Variants in CCDC87 observed in about 807,000 individuals in gnomAD.
CCDC87 encodes coiled-coil domain containing 87.
For synonymous variants in CCDC87, 434 were observed against 440.2 expected (o/e 0.99, Z 0.18); for missense variants, 1,072 against 1,041.7 (o/e 1.03, Z -0.40).
In CCDC87 at chr11:66,590,864, C is replaced by T; in HGVS notation, c.2152G>A (p.Val718Met). The change falls in exon 1 of 1, where the codon GTG becomes ATG. Residue 718 changes from valine to methionine, a missense_variant. Coordinates refer to ENST00000333861, the MANE Select transcript of CCDC87 (RefSeq NM_018219.3). ...TTCAGGGCCCGCTCCCAGGCATTCA[C>T]CAATGAAGGCAGCTGCCTCAGGCGG... Reference protein sequence around the residue: ...KARLRQLPSLVNAWERALKPI... With the variant: ...KARLRQLPSLMNAWERALKPI... The T allele has an allele frequency of 1.9e-6, 3 of 1,613,988 alleles. No individual in the cohort carries two copies. The highest frequency in any genetic ancestry group is 1.6e-4 in the Middle Eastern group (1 of 6,062).
At position 66,592,394 on chromosome 11, in the gene CCDC87, G is replaced by A. The variant is rs1020248305; in HGVS notation, c.622C>T (p.Pro208Ser). 1.9e-6 allele frequency: 3 copies of A among 1,614,120 alleles called. No individual in the cohort carries two copies. Among genetic ancestry groups the A allele is most frequent in the South Asian group, 2.2e-5 (2 of 91,084 alleles). The stretch of plus-strand genomic sequence containing the variant: ...CCAGTGCTGTGAGGCCAGGGGATAG[G>A]GCACAGCTTGAACGTCCCAGCGGGG... ...VCPAGTFKLC[P>S]IPWPHSTGFA... The change falls in exon 1 of 1, where the codon CCT (proline) becomes TCT (serine). Residue 208 changes from proline (P) to serine (S), a missense_variant. Transcript: ENST00000333861.
At position 66,591,100 on chromosome 11, in the gene CCDC87, G is replaced by C. The variant is rs1401446789; in HGVS notation, c.1916C>G (p.Pro639Arg). 2 of 1,614,128 alleles carry C rather than the reference G, an allele frequency of 1.2e-6. No homozygotes were observed. The highest frequency in any genetic ancestry group is 1.7e-6 in the Non-Finnish European group (2 of 1,180,028). ...GTCTGGTTCTTCATCTTCTAGCAAT[G>C]GGGGAGGGTGCTGAATCTCTAGGGA... The part of the protein sequence containing the change: ...RESLEIQHPP[P>R]LLEDEEPDFV... Residue 639 changes from proline (P) to arginine (R), a missense_variant, in exon 1 of 1, where the codon CCA becomes CGA. Coordinates refer to ENST00000333861, the MANE Select transcript of CCDC87 (RefSeq NM_018219.3).
rs200157605 is a variant in CCDC87, at chr11:66,590,526, G to A, written c.2490C>T (p.Val830=). 20 of 1,614,052 alleles carry A rather than the reference G, an allele frequency of 1.2e-5. No individual in the cohort carries two copies. In the African/African-American group the frequency reaches 2.7e-4, roughly 22 times the overall value. ...ACTGGTGGGGATCCTTCAGGGCCGA[G>A]ACCAGGTGGCGAACCCGCCGCTGCT... ...LQQQRRVRHL[V]SALKDPHQST... The change falls in exon 1 of 1, where the codon GTC becomes GTT. Residue 830 remains valine (V), a synonymous_variant. Coordinates refer to ENST00000333861, the MANE Select transcript of CCDC87 (RefSeq NM_018219.3).
In CCDC87 at chr11:66,592,673, G is replaced by T. The variant is rs755035257; in HGVS notation, c.343C>A (p.Arg115=). ...CTCAGCAGCACGTAGGCCTCGAGCCGCTTCCGCAGCTTCTGGTTGTTTTTG... is the reference window on the plus strand; with the variant it reads ...CTCAGCAGCACGTAGGCCTCGAGCCTCTTCCGCAGCTTCTGGTTGTTTTTG... The part of the protein sequence containing the change: ...SHKNNQKLRK[R]LEAYVLLSSE... The change falls in exon 1 of 1, where the codon CGG becomes AGG. Residue 115 remains arginine, a synonymous_variant. Transcript: ENST00000333861. 2.5e-6 allele frequency: 4 copies of T among 1,614,062 alleles called. No individual in the cohort carries two copies. In the African/African-American group the frequency reaches 5.3e-5, roughly 21 times the overall value.
chr11:66,592,454 C>T lies in CCDC87; in HGVS notation c.562G>A (p.Ala188Thr), dbSNP rs1858387266. 1 of 1,613,788 alleles carries T rather than the reference C, an allele frequency of 6.2e-7. No individual in the cohort carries two copies. Among genetic ancestry groups the T allele is most frequent in the Non-Finnish European group, 8.5e-7 (1 of 1,180,004 alleles). Residue 188 changes from alanine (A) to threonine (T), a missense_variant, in exon 1 of 1, where the codon GCC becomes ACC. Ala to Thr is a moderately conservative substitution (Grantham distance 58). Transcript: ENST00000333861. ...TGCAGCTTGTCCACATCCCCAGAGG[C>T]CTGCTCTGCCCTCAGCAGGGCCTGG... ...DFQALLRAEQ[A>T]SGDVDKLHPV...
Position 66,592,069 on chromosome 11 carries a change from C to G in CCDC87, c.947G>C (p.Arg316Pro), listed in dbSNP as rs760018365. The G allele has an allele frequency of 1.9e-6, 3 of 1,609,406 alleles. No homozygotes were observed. Among genetic ancestry groups the G allele is most frequent in the South Asian group, 1.1e-5 (1 of 90,582 alleles). ...LRRGQSMPSL[R>P]EGWRLADELG... Reference sequence around the variant, plus strand: ...CTCATCTGCCAGCCTCCAGCCCTCACGCAGGGAGGGCATGGATTGGCCTCT... The same window carrying G: ...CTCATCTGCCAGCCTCCAGCCCTCAGGCAGGGAGGGCATGGATTGGCCTCT... The change falls in exon 1 of 1, where the codon CGT becomes CCT. Residue 316 changes from arginine (R) to proline (P), a missense_variant. Coordinates refer to ENST00000333861, the MANE Select transcript of CCDC87 (RefSeq NM_018219.3).
In CCDC87 at chr11:66,593,035, G is replaced by C. The variant is rs369129743; in HGVS notation, c.-20C>G. ...CATCATAGAGCCGGCGGCCGCCACCGTCCAGGAACAGAAAGCCGAGGGGTT... is the reference window on the plus strand; with the variant it reads ...CATCATAGAGCCGGCGGCCGCCACCCTCCAGGAACAGAAAGCCGAGGGGTT... On this transcript the variant is annotated 5_prime_UTR_variant, in exon 1 of 1. Coordinates refer to ENST00000333861, the MANE Select transcript of CCDC87 (RefSeq NM_018219.3). The C allele has an allele frequency of 5.5e-5, 83 of 1,506,898 alleles. No individual in the cohort carries two copies. The highest frequency in any genetic ancestry group is 1.2e-4 in the South Asian group (9 of 74,758). 93.3% of individuals were successfully genotyped at this position (1,506,898 alleles called of 1,614,324 possible). A position where few individuals can be genotyped will look rare whatever the true frequency, so the allele number is the denominator to read the frequency against.
Position 66,591,693 on chromosome 11 carries a change from G to A in CCDC87, c.1323C>T (p.Val441=). 6.2e-7 allele frequency: 1 copy of A among 1,613,688 alleles called. No individual in the cohort carries two copies. The highest frequency in any genetic ancestry group is 8.5e-7 in the Non-Finnish European group (1 of 1,179,962). ...CAGAGACCCGTACGGCAGCCGCCTG[G>A]ACCACGACCTCATTTCTAAGCTTCA... ...ITLKLRNEVV[V]QAAAVRVSDR... The change falls in exon 1 of 1, where the codon GTC becomes GTT. Residue 441 remains valine, a synonymous_variant. Transcript: ENST00000333861.
Position 66,592,351 on chromosome 11 carries a change from C to T in CCDC87, c.665G>A (p.Cys222Tyr). 6.2e-7 allele frequency: 1 copy of T among 1,614,192 alleles called. No individual in the cohort carries two copies. Among genetic ancestry groups the T allele is most frequent in the Non-Finnish European group, 8.5e-7 (1 of 1,180,040 alleles). The change falls in exon 1 of 1, where the codon TGC (cysteine) becomes TAC (tyrosine). Residue 222 changes from cysteine to tyrosine, a missense_variant. Coordinates refer to ENST00000333861, the MANE Select transcript of CCDC87 (RefSeq NM_018219.3). ...GAGGTAGTTCAGGTTGAGGTTAGAG[C>T]ACTGCACTTGGGCGAAGCCAGTGCT... is the stretch of plus-strand genomic sequence containing the variant. The part of the protein sequence containing the change: ...PHSTGFAQVQ[C>Y]SNLNLNYLIQ...
chr11:66,591,449 A>C lies in CCDC87; in HGVS notation c.1567T>G (p.Trp523Gly). 6.2e-7 allele frequency: 1 copy of C among 1,614,194 alleles called. No homozygotes were observed. The highest frequency in any genetic ancestry group is 8.5e-7 in the Non-Finnish European group (1 of 1,180,042). ...PLVEPAADKD[W>G]STFLSSAFLR... ...AAGGCTGAGGACAGGAAGGTCGACC[A>C]GTCTTTATCTGCTGCAGGCTCAACT... The change falls in exon 1 of 1, where the codon TGG becomes GGG. Residue 523 changes from tryptophan (W) to glycine (G), a missense_variant. Coordinates refer to ENST00000333861, the MANE Select transcript of CCDC87 (RefSeq NM_018219.3).
At position 66,592,069 on chromosome 11, in the gene CCDC87, C is replaced by A. The variant is rs760018365; in HGVS notation, c.947G>T (p.Arg316Leu). 1 of 1,609,286 alleles carries A rather than the reference C, an allele frequency of 6.2e-7. No homozygotes were observed. Among genetic ancestry groups the A allele is most frequent in the African/African-American group, 1.3e-5 (1 of 74,800 alleles). Residue 316 changes from arginine to leucine, a missense_variant, in exon 1 of 1, where the codon CGT becomes CTT. Physicochemically the swap from Arg to Leu is moderately radical, Grantham distance 102 (BLOSUM62 -2). Coordinates refer to ENST00000333861, the MANE Select transcript of CCDC87 (RefSeq NM_018219.3). ...CTCATCTGCCAGCCTCCAGCCCTCA[C>A]GCAGGGAGGGCATGGATTGGCCTCT... ...LRRGQSMPSL[R>L]EGWRLADELG...
chr11:66,590,477 C>T lies in CCDC87; in HGVS notation c.2539G>A (p.Ala847Thr). 1 of 1,608,050 alleles carries T rather than the reference C, an allele frequency of 6.2e-7. No homozygotes were observed. Among genetic ancestry groups the T allele is most frequent in the East Asian group, 2.2e-5 (1 of 44,878 alleles). ...ATTCCCAGGAGCTACTAAAGGCTGG[C>T]TGCTGAGCTCCTGAACAGGGTTGAC... ...HQSTLFRSSAASL is the reference protein window; with the variant it reads ...HQSTLFRSSATSL Residue 847 changes from alanine (A) to threonine (T), a missense_variant, in exon 1 of 1, where the codon GCC becomes ACC. By Grantham distance (58) the Ala-to-Thr change is moderately conservative (BLOSUM62 0). Coordinates refer to ENST00000333861, the MANE Select transcript of CCDC87 (RefSeq NM_018219.3).
Position 66,591,824 on chromosome 11 carries a change from G to C in CCDC87, c.1192C>G (p.Leu398Val). ...HPAAGHRLEE[L>V]EKMLRNLQEE... is the part of the protein sequence containing the mutation. ...TGGAGGTTCCTCAACATCTTCTCCA[G>C]CTCCTCCAGGCGATGCCCTGCAGCT... The change falls in exon 1 of 1, where the codon CTG becomes GTG. Residue 398 changes from leucine (L) to valine (V), a missense_variant. Coordinates refer to ENST00000333861, the MANE Select transcript of CCDC87 (RefSeq NM_018219.3). 2 of 1,613,270 alleles carry C rather than the reference G, an allele frequency of 1.2e-6. No individual in the cohort carries two copies. The highest frequency in any genetic ancestry group is 1.7e-6 in the Non-Finnish European group (2 of 1,179,716).
chr11:66,591,967 C>T lies in CCDC87; in HGVS notation c.1049G>A (p.Gly350Glu), dbSNP rs747797538. The part of the protein sequence containing the change: ...LATESKPELT[G>E]LIVAEDLKQL... ...CTTCAGATCCTCAGCCACGATGAGC[C>T]CAGTCAGCTCTGGTTTGCTCTCTGT... The change falls in exon 1 of 1, where the codon GGG becomes GAG. Residue 350 changes from glycine (G) to glutamate (E), a missense_variant. Coordinates refer to ENST00000333861, the MANE Select transcript of CCDC87 (RefSeq NM_018219.3). 1 of 1,613,884 alleles carries T rather than the reference C, an allele frequency of 6.2e-7. No individual in the cohort carries two copies. The highest frequency in any genetic ancestry group is 1.1e-5 in the South Asian group (1 of 91,086).
chr11:66,592,245 C>T lies in CCDC87; in HGVS notation c.771G>A (p.Arg257=). The change falls in exon 1 of 1, where the codon CGG becomes CGA. Residue 257 remains arginine, a synonymous_variant. Transcript: ENST00000333861. The part of the protein sequence containing the change: ...DPVKELKSIP[R]LKRKKPFHWL... ...AGTGGAAAGGCTTTTTCCTCTTCAA[C>T]CGAGGGATGGACTTCAATTCCTTCA... 2.5e-6 allele frequency: 4 copies of T among 1,613,810 alleles called. No homozygotes were observed. The highest frequency in any genetic ancestry group is 1.3e-5 in the African/African-American group (1 of 75,046).
chr11:66,592,401 C>T lies in CCDC87; in HGVS notation c.615G>A (p.Lys205=). 1.1e-5 allele frequency: 17 copies of T among 1,614,080 alleles called. No homozygotes were observed. Among genetic ancestry groups the T allele is most frequent in the Non-Finnish European group, 1.4e-5 (17 of 1,180,006 alleles). ...LHPVCPAGTF[K]LCPIPWPHST... is the part of the protein sequence containing the mutation. ...TGTGAGGCCAGGGGATAGGGCACAG[C>T]TTGAACGTCCCAGCGGGGCAGACAG... Residue 205 remains lysine (K), a synonymous_variant, in exon 1 of 1, where the codon AAG becomes AAA. Transcript: ENST00000333861.
rs1171458484 is a variant in CCDC87, at chr11:66,591,228, G to A, written c.1788C>T (p.Asp596=). 3 of 1,614,118 alleles carry A rather than the reference G, an allele frequency of 1.9e-6. No homozygotes were observed. The highest frequency in any genetic ancestry group is 2.2e-5 in the South Asian group (2 of 91,088). ...NSWKTTLSVD[D]YFKYLTNHET... ...CATGGTTGGTGAGGTACTTGAAGTAGTCATCCACAGACAAGGTGGTTTTCC... is the reference window on the plus strand; with the variant it reads ...CATGGTTGGTGAGGTACTTGAAGTAATCATCCACAGACAAGGTGGTTTTCC... The change falls in exon 1 of 1, where the codon GAC becomes GAT. Residue 596 remains aspartate (D), a synonymous_variant. Coordinates refer to ENST00000333861, the MANE Select transcript of CCDC87 (RefSeq NM_018219.3).
rs373981944 is a variant in CCDC87, at chr11:66,590,498, T to C, written c.2518A>G (p.Thr840Ala). The change falls in exon 1 of 1, where the codon ACC (threonine) becomes GCC (alanine). Residue 840 changes from threonine to alanine, a missense_variant. Thr to Ala is a moderately conservative substitution (Grantham distance 58). Transcript: ENST00000333861. ...CTGGCTGCTGAGCTCCTGAACAGGG[T>C]TGACTGGTGGGGATCCTTCAGGGCC... is the stretch of plus-strand genomic sequence containing the variant. Reference protein sequence around the residue: ...VSALKDPHQSTLFRSSAASL With the variant: ...VSALKDPHQSALFRSSAASL 1 of 1,613,280 alleles carries C rather than the reference T, an allele frequency of 6.2e-7. No homozygotes were observed. The highest frequency in any genetic ancestry group is 2.2e-5 in the East Asian group (1 of 44,874).
chr11:66,592,901 G>C lies in CCDC87; in HGVS notation c.115C>G (p.Pro39Ala), dbSNP rs920409985. Residue 39 changes from proline (P) to alanine (A), a missense_variant, in exon 1 of 1, where the codon CCG becomes GCG. Transcript: ENST00000333861. ...GACTGCAGAATCCGGCCCTCCTGCG[G>C]GGGGCGCTTCTGAGGCTCTGGGGAC... ...TTSPEPQKRPPQEGRILQSFP... is the reference protein window; with the variant it reads ...TTSPEPQKRPAQEGRILQSFP... 2.0e-6 allele frequency: 3 copies of C among 1,533,782 alleles called. No homozygotes were observed. The highest frequency in any genetic ancestry group is 2.6e-6 in the Non-Finnish European group (3 of 1,142,628).
Sources: allele counts gnomAD v4.1 joint callset, GRCh38; gene constraint gnomAD v4.1.1; transcripts MANE v1.5; gene names NCBI Gene and HGNC (gene_info 2026-07-23, HGNC 2026-07-21).